TMEM266: variants seen among roughly 807,000 people sequenced by gnomAD.
The protein encoded by TMEM266 is Hv1 related protein 1.
In TMEM266, 33 loss-of-function variants were observed where a neutral mutation model predicts 50.5. That is an observed-to-expected ratio of 0.65 (90% CI 0.50 to 0.87). The LOEUF (loss-of-function observed/expected upper bound fraction) is 0.87, where lower values mean the gene tolerates loss of function less well. Ranked by LOEUF, TMEM266 falls within the 40% of genes least tolerant of loss-of-function variation. The pLI is 0.00. For synonymous variants in TMEM266, 310 were observed against 292.3 expected (o/e 1.06, Z -0.62); for missense variants, 655 against 695.1 (o/e 0.94, Z 0.65).
intron 3 of TMEM266, among the ~76,000 whole-genome samples, chr15:76,141,502 G>T (rs912265737): frequency 6.6e-6 from 1 of 152,082 alleles, no homozygotes; most frequent in Non-Finnish European, 1.5e-5. Flanking sequence ...GCATCCTAAA[G>T]TGTTGGGATT....
intron 8 of TMEM266, among the ~76,000 whole-genome samples, chr15:76,181,813 T>G (rs772271622): frequency 6.6e-6 from 1 of 152,218 alleles, no homozygotes; most frequent in Admixed American, 6.5e-5. Flanking sequence ...TGAGGTTTTA[T>G]GTACCTCCAT....
intron 1 of TMEM266, among the ~76,000 whole-genome samples, chr15:76,086,383 A>G (rs994820104): frequency 1.2e-4 from 18 of 152,246 alleles, no homozygotes; most frequent in African/African-American, 4.3e-4. Flanking sequence ...CTTAACTGCA[A>G]AGTCACTAGA....
At chr15:76,164,884 G>T (rs572647066) in intron 5 of TMEM266, among the ~76,000 whole-genome samples, 19 of 152,370 alleles carry the variant, frequency 1.2e-4, no homozygotes, top group Middle Eastern at 3.4e-3. Context: ...GGGCACAGGG[G>T]TGTCCAGCCC....
chr15:76,063,679 G>T (rs557944574), intron 1 of TMEM266, among the ~76,000 whole-genome samples: 1 of 152,212 alleles, frequency 6.6e-6, no homozygotes, highest in East Asian at 1.9e-4. Context: ...CTCCCCCATG[G>T]AATGAATGCT....
chr15:76,152,180 C>G (rs2037854712), intron 3 of TMEM266, among the ~76,000 whole-genome samples: 1 of 152,186 alleles, frequency 6.6e-6, no homozygotes, highest in African/African-American at 2.4e-5. Flanking sequence ...CCTTCCACTT[C>G]CGTCGAGTCA....
chr15:76,194,184 T>C (rs1246883187), intron 9 of TMEM266, among the ~76,000 whole-genome samples: 1 of 152,266 alleles, frequency 6.6e-6, no homozygotes, highest in Non-Finnish European at 1.5e-5. Context: ...ACAGGCTTTT[T>C]GTAGCCTCGT....
Position 76,199,270 on chromosome 15 carries a change from A to T in TMEM266, c.959-2932A>T, listed in dbSNP as rs867496433. Reference sequence around the variant, plus strand: ...CAGAGGTAGCTGGAGGCCAGCCAGGAGTTGTCCGGGGACGGTCGGCCAGAC... The same window carrying T: ...CAGAGGTAGCTGGAGGCCAGCCAGGTGTTGTCCGGGGACGGTCGGCCAGAC... On this transcript the variant is annotated intron_variant, in intron 9 of 10. Coordinates refer to ENST00000388942, the MANE Select transcript of TMEM266 (RefSeq NM_152335.3). Among the ~76,000 whole-genome samples, 3 of 152,356 alleles carry T rather than the reference A, an allele frequency of 2.0e-5. 1 individual carries two copies. Among genetic ancestry groups the T allele is most frequent in the Middle Eastern group, 6.8e-3 (2 of 294 alleles).
intron 3 of TMEM266, among the ~76,000 whole-genome samples, chr15:76,141,385 G>C (rs2037674910): frequency 6.6e-6 from 1 of 151,832 alleles, no homozygotes; most frequent in Non-Finnish European, 1.5e-5. Context: ...ACAGACGCGT[G>C]CAATCATGCC....
chr15:76,129,609 T>C (rs2037474387), intron 1 of TMEM266, among the ~76,000 whole-genome samples: 1 of 151,760 alleles, frequency 6.6e-6, no homozygotes, highest in African/African-American at 2.4e-5. Context: ...ACCATTGCAC[T>C]CCAGCCTGGG....
intron 6 of TMEM266, among the ~76,000 whole-genome samples, chr15:76,170,261 G>A (rs2038167152): frequency 6.6e-6 from 1 of 152,220 alleles, no homozygotes; most frequent in African/African-American, 2.4e-5. Context: ...ACACGGGTGG[G>A]TGTGGTGGGT....
chr15:76,069,548 G>A (rs749079504), intron 1 of TMEM266, among the ~76,000 whole-genome samples: 2 of 152,198 alleles, frequency 1.3e-5, no homozygotes, highest in East Asian at 1.9e-4. Context: ...GCCGGGTGTG[G>A]TGGCTCACAC....
chr15:76,113,301 A>C (rs943564612), intron 1 of TMEM266: 3 of 152,392 alleles, frequency 2.0e-5, no homozygotes, highest in African/African-American at 7.2e-5. Flanking sequence ...TGACAGAGCG[A>C]GACTCCGTCT....
chr15:76,199,679 ATCACGGCC>A (rs1021907547), intron 9 of TMEM266, among the ~76,000 whole-genome samples: 8 of 152,212 alleles, frequency 5.3e-5, no homozygotes, highest in African/African-American at 1.9e-4. Flanking sequence ...CTATTCAATA[ATCACGGCC>A]TTTTAGCACA....
chr15:76,075,175 G>A (rs1466403329), intron 1 of TMEM266, among the ~76,000 whole-genome samples: 1 of 152,094 alleles, frequency 6.6e-6, no homozygotes, highest in Non-Finnish European at 1.5e-5. Context: ...AGAAATTTTA[G>A]AGCCAGGGTA....
At chr15:76,180,205 A>G (rs531177540) in intron 8 of TMEM266, among the ~76,000 whole-genome samples, 11 of 152,210 alleles carry the variant, frequency 7.2e-5, no homozygotes, top group African/African-American at 2.4e-4. Flanking sequence ...CAATGAACAA[A>G]CCCACATTGA....
At chr15:76,175,471 C>A in intron 7 of TMEM266, 88 bp from the exon 8 acceptor site, 1 of 1,003,502 alleles carries the variant, frequency 1.0e-6, no homozygotes, top group Non-Finnish European at 1.5e-6. Context: ...GGCCTCGAAC[C>A]TGCTGCTGCC....
At chr15:76,060,645 G>T (rs2036283408) in intron 1 of TMEM266, among the ~76,000 whole-genome samples, 1 of 152,214 alleles carries the variant, frequency 6.6e-6, no homozygotes, top group Admixed American at 6.5e-5. Context: ...ACTTGCCAGG[G>T]AGGCTTAAAC....
chr15:76,180,159 C>T, intron 8 of TMEM266, among the ~76,000 whole-genome samples: 1 of 152,122 alleles, frequency 6.6e-6, no homozygotes, highest in Admixed American at 6.5e-5. Context: ...TGCCTGGCTG[C>T]CCATCATTAA....
chr15:76,165,453 TCA>T (rs1290143855), intron 5 of TMEM266, among the ~76,000 whole-genome samples: 1 of 152,202 alleles, frequency 6.6e-6, no homozygotes, highest in Non-Finnish European at 1.5e-5. Context: ...ACACTGCTTA[TCA>T]GAGCAGCCTC....
Sources: gnomAD v4.1 joint callset for allele counts (sites outside exome capture counted in the v4.1 genomes callset) on GRCh38, gnomAD v4.1.1 for gene constraint, MANE v1.5 for transcripts, NCBI Gene and HGNC (gene_info 2026-07-23, HGNC 2026-07-21) for gene names.